Variants in CHST9 observed in about 807,000 individuals in gnomAD.
CHST9 encodes GalNAc-4-sulfotransferase 2.
Under a neutral mutation model 44.4 loss-of-function variants are expected in CHST9, and 41 were observed. The observed-to-expected ratio is 0.92, with a 90% CI of 0.72 to 1.20. CHST9 has a LOEUF of 1.20. Among genes scored for constraint, CHST9 ranks in the 50% most tolerant of loss-of-function variants. The pLI, the probability that CHST9 is intolerant of heterozygous loss-of-function variation, is 0.00. For synonymous variants in CHST9, 171 were observed against 178.4 expected (o/e 0.96, Z 0.33); for missense variants, 504 against 516.5 (o/e 0.98, Z 0.23).
intron 1 of CHST9, among the ~76,000 whole-genome samples, chr18:27,181,227 T>C (rs1201828193): frequency 6.6e-6 from 1 of 152,206 alleles, no homozygotes; most frequent in East Asian, 1.9e-4. Context: ...TTCAACAAAA[T>C]CTATGTCCAA....
intron 2 of CHST9, among the ~76,000 whole-genome samples, chr18:27,098,586 A>G (rs1306955375): frequency 2.6e-5 from 4 of 152,206 alleles, no homozygotes; most frequent in Non-Finnish European, 5.9e-5. Context: ...GATAAAGAAA[A>G]TGTGGCACAT....
intron 4 of CHST9, among the ~76,000 whole-genome samples, chr18:27,023,004 C>T (rs1437315181): frequency 6.6e-6 from 1 of 152,162 alleles, no homozygotes; most frequent in Non-Finnish European, 1.5e-5. Flanking sequence ...CATGGTGACT[C>T]AGTTACTATT....
intron 2 of CHST9, among the ~76,000 whole-genome samples, chr18:27,066,464 A>T (rs2057783424): frequency 6.6e-6 from 1 of 152,204 alleles, no homozygotes. Context: ...TGTTTTTTAA[A>T]TTTATTTTTT....
At chr18:27,038,330 G>C (rs1328953689) in intron 3 of CHST9, among the ~76,000 whole-genome samples, 1 of 152,178 alleles carries the variant, frequency 6.6e-6, no homozygotes, top group African/African-American at 2.4e-5. Context: ...CAGATCACTT[G>C]AAGTCAGGAG....
At chr18:26,957,652 C>A (rs1261321474) in intron 4 of CHST9, among the ~76,000 whole-genome samples, 1 of 151,066 alleles carries the variant, frequency 6.6e-6, no homozygotes, top group Non-Finnish European at 1.5e-5. Context: ...TAATAAATGA[C>A]AATTTTCACC....
At chr18:27,046,788 C>A (rs1464019837) in intron 3 of CHST9, among the ~76,000 whole-genome samples, 1 of 152,008 alleles carries the variant, frequency 6.6e-6, no homozygotes, top group African/African-American at 2.4e-5. Flanking sequence ...CCCTAACATT[C>A]CCCTAGAATA....
chr18:27,078,487 A>C (rs145678561), intron 2 of CHST9, among the ~76,000 whole-genome samples: 2,041 of 152,230 alleles, frequency 0.013, 32 homozygotes, highest in South Asian at 0.03. Flanking sequence ...ATATATATAT[A>C]TCTCTCTCAC....
intron 3 of CHST9, among the ~76,000 whole-genome samples, chr18:27,033,201 T>C (rs1441627209): frequency 2.0e-5 from 3 of 152,204 alleles, no homozygotes; most frequent in African/African-American, 7.2e-5. Flanking sequence ...AGAATGAGGT[T>C]TCTTTGAATA....
chr18:27,089,281 C>G (rs58491071), intron 2 of CHST9, among the ~76,000 whole-genome samples: 10,190 of 124,704 alleles, frequency 0.082, 456 homozygotes, highest in East Asian at 0.21. Context: ...TGCTATCCCT[C>G]CCCCAGCCCC....
At chr18:27,176,276 T>C (rs2058867309) in intron 1 of CHST9, among the ~76,000 whole-genome samples, 1 of 152,072 alleles carries the variant, frequency 6.6e-6, no homozygotes, top group African/African-American at 2.4e-5. Flanking sequence ...CATATTTGCA[T>C]TTTGAATGCA....
At chr18:26,934,949 T>A (rs2055960269) in intron 5 of CHST9, 1 of 152,224 alleles carries the variant, frequency 6.6e-6, no homozygotes, top group Admixed American at 6.5e-5. Flanking sequence ...GGTTTTTAGT[T>A]TTCTCTTTCA....
intron 3 of CHST9, among the ~76,000 whole-genome samples, chr18:27,046,492 G>T (rs115089145): frequency 3.2e-4 from 48 of 152,078 alleles, no homozygotes; most frequent in Middle Eastern, 3.4e-3. Flanking sequence ...AGGGTGCAGG[G>T]TATATAGTAA....
At chr18:27,152,646 C>G (rs1224013928) in intron 1 of CHST9, among the ~76,000 whole-genome samples, 1 of 152,078 alleles carries the variant, frequency 6.6e-6, no homozygotes, top group Non-Finnish European at 1.5e-5. Flanking sequence ...CAATGTTAAC[C>G]AACATATGTT....
chr18:27,044,144 T>C (rs1268638769), intron 3 of CHST9, among the ~76,000 whole-genome samples: 1 of 151,272 alleles, frequency 6.6e-6, no homozygotes, highest in African/African-American at 2.4e-5. Context: ...CAGGAAGCCC[T>C]CCCTGAAATT....
intron 1 of CHST9, among the ~76,000 whole-genome samples, chr18:27,150,481 TCTTA>T (rs1364784142): frequency 6.6e-6 from 1 of 152,208 alleles, no homozygotes; most frequent in Non-Finnish European, 1.5e-5. Flanking sequence ...GCCTCCCAGC[TCTTA>T]CTTAGGAGTT....
rs969017465 is a variant in CHST9 at position 26,907,969 on chromosome 18, A to T, written c.*8290T>A. 1.3e-5 allele frequency: 2 copies of T among 156,034 alleles called. No individual in the cohort carries two copies. Among genetic ancestry groups the T allele is most frequent in the African/African-American group, 4.8e-5 (2 of 41,592 alleles). The allele number at this position is 156,034 out of a possible 1,614,324, so 9.7% of individuals were successfully genotyped here. A position where few individuals can be genotyped will look rare whatever the true frequency, so the allele number is the denominator to read the frequency against. On this transcript the variant is annotated 3_prime_UTR_variant, in exon 6 of 6. Transcript: ENST00000618847. ...ATTTTAAGTTATCAAATTCATAGAG[A>T]CAAAAGGTAGAATGATGGTTGCCAG...
chr18:27,148,174 G>C (rs373174243), intron 1 of CHST9, among the ~76,000 whole-genome samples: 3 of 151,946 alleles, frequency 2.0e-5, no homozygotes, highest in South Asian at 4.2e-4. Context: ...CTCCATCCAC[G>C]TTTCCACAAA....
Position 26,970,353 on chromosome 18 carries a change from T to G in CHST9, c.203-25987A>C, listed in dbSNP as rs140358781. 7.1e-3 allele frequency among the ~76,000 whole-genome samples: 1,075 copies of G among 152,354 alleles called. 14 individuals carry two copies. Among genetic ancestry groups the G allele is most frequent in the African/African-American group, 0.025 (1,028 of 41,574 alleles). ...TCTTTCCAAATGAATGCTTCCTATCTGCCAGGTACAATTCTAAATGCTGTA... is the reference window on the plus strand; with the variant it reads ...TCTTTCCAAATGAATGCTTCCTATCGGCCAGGTACAATTCTAAATGCTGTA... On this transcript the variant is annotated intron_variant, in intron 4 of 5. Coordinates refer to ENST00000618847, the MANE Select transcript of CHST9 (RefSeq NM_031422.6).
At chr18:27,129,817 C>T (rs906853189) in intron 2 of CHST9, among the ~76,000 whole-genome samples, 3 of 152,044 alleles carry the variant, frequency 2.0e-5, no homozygotes, top group African/African-American at 7.3e-5. Flanking sequence ...AGTAAGTTCT[C>T]AGCAGACAGA....
Sources: allele counts gnomAD v4.1 joint callset (sites outside exome capture counted in the v4.1 genomes callset), GRCh38; gene constraint gnomAD v4.1.1; transcripts MANE v1.5; gene names NCBI Gene and HGNC (gene_info 2026-07-23, HGNC 2026-07-21).